TMEM198: variants seen among roughly 807,000 people sequenced by gnomAD.
The protein encoded by TMEM198 is transmembrane protein 198.
In TMEM198, 21 loss-of-function variants were observed where a neutral mutation model predicts 31.5. The observed-to-expected ratio is 0.67, with a 90% CI of 0.47 to 0.96. The LOEUF (loss-of-function observed/expected upper bound fraction) is 0.96, where lower values mean the gene tolerates loss of function less well. Among genes scored for constraint, TMEM198 ranks in the 40% least tolerant of loss-of-function variants. The pLI is 0.00. For missense variants in TMEM198, 447 were observed against 499.4 expected (o/e 0.89, Z 1.00); for synonymous variants, 211 against 223.3 (o/e 0.95, Z 0.49).
At chr2:219,548,966 G>A in intron 3 of TMEM198, 186 bp from the exon 4 acceptor site, 1 of 629,830 alleles carries the variant, frequency 1.6e-6, no homozygotes, top group Non-Finnish European at 2.8e-6. Context: ...TGGAAGAAAA[G>A]AACAACAGCG....
chr2:219,547,433 T>A (rs1012411813), intron 2 of TMEM198, 73 bp from the exon 3 acceptor site: 3 of 1,238,986 alleles, frequency 2.4e-6, no homozygotes, highest in African/African-American at 3.1e-5. Flanking sequence ...CCCATGTCCT[T>A]GACCCCTTGG....
chr2:219,547,727 G>T lies in TMEM198; in HGVS notation c.388G>T (p.Ala130Ser). The T allele has an allele frequency of 6.3e-7, 1 of 1,586,444 alleles. No individual in the cohort carries two copies. The highest frequency in any genetic ancestry group is 8.5e-7 in the Non-Finnish European group (1 of 1,170,996). ...GGGGCTGCTGCTCGGCCTGCTGCTC[G>T]CAGCTGCTGCCCTGCTGGGCTCCGC... ...LVGLLLGLLLAAAALLGSAPY... is the reference protein window; with the variant it reads ...LVGLLLGLLLSAAALLGSAPY... The change falls in exon 3 of 5, where the codon GCA becomes TCA. Residue 130 changes from alanine to serine, a missense_variant. Transcript: ENST00000373883.
At chr2:219,547,441 T>G (rs1293039496) in intron 2 of TMEM198, 65 bp from the exon 3 acceptor site, 2 of 1,316,766 alleles carry the variant, frequency 1.5e-6, no homozygotes, top group Non-Finnish European at 2.0e-6. Context: ...CTTGACCCCT[T>G]GGACCTGCTC....
chr2:219,549,108 GGC>G (rs1395452013), intron 3 of TMEM198, 42 bp from the exon 4 acceptor site: 8 of 1,608,886 alleles, frequency 5.0e-6, no homozygotes, highest in Non-Finnish European at 6.8e-6. Flanking sequence ...AGGGAAACAA[GGC>G]GCACCGTCCT....
chr2:219,547,092 A>T (rs1695402443), intron 2 of TMEM198: 1 of 162,428 alleles, frequency 6.2e-6, no homozygotes. Flanking sequence ...CAAATACCTC[A>T]TCTCTGTGAG....
intron 3 of TMEM198, 130 bp downstream of exon 3, chr2:219,548,211 G>C: frequency 1.1e-6 from 1 of 869,714 alleles, no homozygotes. Context: ...ACTTGCTCAG[G>C]GTCTGGGAGG....
At chr2:219,545,481 G>A (rs1695371737) in intron 2 of TMEM198, among the ~76,000 whole-genome samples, 1 of 152,210 alleles carries the variant, frequency 6.6e-6, no homozygotes, top group South Asian at 2.1e-4. Flanking sequence ...CTAAATAAGG[G>A]AGCTCAGCTG....
chr2:219,548,791 C>T lies in TMEM198; in HGVS notation c.743-361C>T, dbSNP rs148758348. Among the ~76,000 whole-genome samples, 1,335 of 152,134 alleles carry T rather than the reference C, an allele frequency of 8.8e-3. 15 individuals are homozygous for T. Among genetic ancestry groups the T allele is most frequent in the Admixed American group, 0.018 (282 of 15,272 alleles). ...GCTTTTGGGATGCTCATTCTGCTGCCGAGTGTAGAAAGCATTGGAGGGAGC... is the reference window on the plus strand; with the variant it reads ...GCTTTTGGGATGCTCATTCTGCTGCTGAGTGTAGAAAGCATTGGAGGGAGC... On this transcript the variant is annotated intron_variant, in intron 3 of 4. Transcript: ENST00000373883.
rs147534498 is a variant in TMEM198, at chr2:219,549,474, G to A, written c.945+120G>A. 2.4e-5 allele frequency: 32 copies of A among 1,327,856 alleles called. 1 individual carries two copies. The East Asian group carries it at 8.0e-4, about 33-fold the overall frequency. The allele number at this position is 1,327,856 out of a possible 1,614,324, so 82.3% of individuals were successfully genotyped here. ...TAGAAGGCCTGTTTGTCCATGAACT[G>A]TTTGTCCATGCATCGGAGCCCATGC... On this transcript the variant is annotated intron_variant, in intron 4 of 4. Coordinates refer to ENST00000373883, the MANE Select transcript of TMEM198 (RefSeq NM_001005209.3).
chr2:219,546,774 G>GTTTATTTTTT (rs144394124), intron 2 of TMEM198, among the ~76,000 whole-genome samples: 1 of 69,884 alleles, frequency 1.4e-5, no homozygotes, highest in African/African-American at 5.4e-5. Flanking sequence ...CACCTCTCAA[G>GTTTATTTTTT]TTTCTTTTTT....
In TMEM198 at chr2:219,544,134, C is replaced by T; in HGVS notation, c.-283C>T. 2 of 455,990 alleles carry T rather than the reference C, an allele frequency of 4.4e-6. No individual in the cohort carries two copies. The highest frequency in any genetic ancestry group is 8.8e-6 in the Non-Finnish European group (2 of 226,020). The allele number at this position is 455,990 out of a possible 1,614,324, so 28.2% of individuals were successfully genotyped here. On this transcript the variant is annotated 5_prime_UTR_variant, in exon 1 of 5. Transcript: ENST00000373883. Reference sequence around the variant, plus strand: ...GCCCGAGCCCCGGCTCCTGCGCCTTCCCCTTCCTCAGGCCCAGCCCGAGTT... The same window carrying T: ...GCCCGAGCCCCGGCTCCTGCGCCTTTCCCTTCCTCAGGCCCAGCCCGAGTT...
upstream of TMEM198, chr2:219,543,723 C>A: frequency 2.3e-6 from 1 of 442,840 alleles, no homozygotes; most frequent in Admixed American, 4.3e-5. Flanking sequence ...CTCGATTCCC[C>A]TCCAGCAGCT....
chr2:219,544,768 C>T lies in TMEM198; in HGVS notation c.41C>T (p.Pro14Leu). Residue 14 changes from proline (P) to leucine (L), a missense_variant, in exon 2 of 5, where the codon CCC (proline) becomes CTC (leucine). By Grantham distance (98) the Pro-to-Leu change is moderately conservative. Coordinates refer to ENST00000373883, the MANE Select transcript of TMEM198 (RefSeq NM_001005209.3). ...TVATLRFQLL[P>L]PEPDDAFWGA... Reference sequence around the variant, plus strand: ...GCAACACTGCGGTTCCAGCTGCTGCCCCCTGAGCCAGATGATGCCTTCTGG... The same window carrying T: ...GCAACACTGCGGTTCCAGCTGCTGCTCCCTGAGCCAGATGATGCCTTCTGG... 6.2e-7 allele frequency: 1 copy of T among 1,614,170 alleles called. No homozygotes were observed. The highest frequency in any genetic ancestry group is 1.3e-5 in the African/African-American group (1 of 75,048).
chr2:219,548,125 C>A, intron 3 of TMEM198, 44 bp downstream of exon 3: 3 of 1,458,528 alleles, frequency 2.1e-6, no homozygotes, highest in Non-Finnish European at 2.7e-6. Flanking sequence ...GAGTGGGTGG[C>A]CAGGGATGGG....
In TMEM198 at chr2:219,549,815, A is replaced by G; in HGVS notation, c.1044A>G (p.Gly348=). 6.2e-7 allele frequency: 1 copy of G among 1,613,790 alleles called. No individual in the cohort carries two copies. Among genetic ancestry groups the G allele is most frequent in the Non-Finnish European group, 8.5e-7 (1 of 1,179,926 alleles). Residue 348 remains glycine (G), a synonymous_variant, in exon 5 of 5, where the codon GGA becomes GGG. Transcript: ENST00000373883. ...TDADYEYGSR[G]PLTACSGPPV... ...CGGACTATGAGTATGGGTCCCGGGG[A>G]CCTCTGACAGCCTGCTCAGGCCCCC...
Position 219,547,888 on chromosome 2 carries a change from G to A in TMEM198, c.549G>A (p.Leu183=), listed in dbSNP as rs1350549838. The A allele has an allele frequency of 6.3e-7, 1 of 1,596,260 alleles. No homozygotes were observed. Among genetic ancestry groups the A allele is most frequent in the Non-Finnish European group, 8.5e-7 (1 of 1,178,436 alleles). ...TLATAVTGAA[L]IATAADYFAE... ...CCACCGCCGTGACTGGTGCTGCGCT[G>A]ATCGCCACTGCCGCTGACTACTTCG... is the stretch of plus-strand genomic sequence containing the variant. The change falls in exon 3 of 5, where the codon CTG becomes CTA. Residue 183 remains leucine (L), a synonymous_variant. Coordinates refer to ENST00000373883, the MANE Select transcript of TMEM198 (RefSeq NM_001005209.3).
At chr2:219,545,675 C>G (rs1695374742) in intron 2 of TMEM198, among the ~76,000 whole-genome samples, 1 of 152,144 alleles carries the variant, frequency 6.6e-6, no homozygotes, top group Non-Finnish European at 1.5e-5. Context: ...TACAGAACTT[C>G]AGAGAGGAGA....
In TMEM198 at chr2:219,544,852, G is replaced by C. The variant is rs574458400; in HGVS notation, c.125G>C (p.Cys42Ser). 3 of 1,614,232 alleles carry C rather than the reference G, an allele frequency of 1.9e-6. No homozygotes were observed. Among genetic ancestry groups the C allele is most frequent in the East Asian group, 4.5e-5 (2 of 44,886 alleles). ...RRYQALPALV[C>S]IMCCLFGVVY... ...TACCAGGCACTGCCGGCCCTCGTCT[G>C]CATCATGTGCTGTTTGTTTGGAGTC... The change falls in exon 2 of 5, where the codon TGC becomes TCC. Residue 42 changes from cysteine to serine, a missense_variant. Coordinates refer to ENST00000373883, the MANE Select transcript of TMEM198 (RefSeq NM_001005209.3).
rs748485106 is a variant in TMEM198, at chr2:219,549,772, T to G, written c.1001T>G (p.Met334Arg). The G allele has an allele frequency of 6.2e-6, 10 of 1,614,130 alleles. No homozygotes were observed. Among genetic ancestry groups the G allele is most frequent in the Non-Finnish European group, 8.5e-6 (10 of 1,180,014 alleles). Residue 334 changes from methionine (M) to arginine (R), a missense_variant, in exon 5 of 5, where the codon ATG becomes AGG. Met to Arg is a moderately conservative substitution (Grantham distance 91). Coordinates refer to ENST00000373883, the MANE Select transcript of TMEM198 (RefSeq NM_001005209.3). ...RQTGSSLSSFMASPTDADYEY... is the reference protein window; with the variant it reads ...RQTGSSLSSFRASPTDADYEY... ...ACCGGGAGCTCCCTGAGCTCCTTCATGGCCTCACCCACAGATGCGGACTAT... is the reference window on the plus strand; with the variant it reads ...ACCGGGAGCTCCCTGAGCTCCTTCAGGGCCTCACCCACAGATGCGGACTAT...
Sources: gnomAD v4.1 joint callset for allele counts (sites outside exome capture counted in the v4.1 genomes callset) on GRCh38, gnomAD v4.1.1 for gene constraint, MANE v1.5 for transcripts, NCBI Gene and HGNC (gene_info 2026-07-23, HGNC 2026-07-21) for gene names.